Variants in DKK2 observed in about 807,000 individuals in gnomAD.
DKK2 encodes the protein dickkopf Wnt signaling pathway inhibitor 2.
Under a neutral mutation model 28.1 loss-of-function variants are expected in DKK2, and 11 were observed. That is an observed-to-expected ratio of 0.39 (90% CI 0.25 to 0.65). DKK2 has a LOEUF of 0.65. Among genes scored for constraint, DKK2 ranks in the 30% least tolerant of loss-of-function variants. The probability of loss-of-function intolerance (pLI) is 0.47; values close to 1 mark genes in which losing one functional copy is unlikely to be tolerated. For synonymous variants in DKK2, 135 were observed against 126.5 expected (o/e 1.07, Z -0.45); for missense variants, 326 against 335.5 (o/e 0.97, Z 0.22).
intron 1 of DKK2, among the ~76,000 whole-genome samples, chr4:106,949,608 A>G (rs923917723): frequency 1.8e-4 from 28 of 152,274 alleles, no homozygotes; most frequent in African/African-American, 6.5e-4. Context: ...TCTACCATCA[A>G]TTCAGATGTA....
At position 106,947,355 on chromosome 4, in the gene DKK2, T is replaced by C. The variant is rs74381703; in HGVS notation, c.223-21406A>G. ...TCTGCTCAGCCCAATATTGGTACCC[T>C]GTGACAGCTGCTTGAAAGGTACCGT... On this transcript the variant is annotated intron_variant, in intron 1 of 3. Coordinates refer to ENST00000285311, the MANE Select transcript of DKK2 (RefSeq NM_014421.3). 7.5e-3 allele frequency among the ~76,000 whole-genome samples: 1,137 copies of C among 152,190 alleles called. 10 individuals carry two copies. The highest frequency in any genetic ancestry group is 0.026 in the African/African-American group (1,088 of 41,548).
intron 1 of DKK2, among the ~76,000 whole-genome samples, chr4:106,969,117 A>G (rs1038192469): frequency 6.6e-6 from 1 of 151,512 alleles, no homozygotes; most frequent in Non-Finnish European, 1.5e-5. Context: ...TTTTTTTCTA[A>G]TTTAGGAATC....
intron 1 of DKK2, among the ~76,000 whole-genome samples, chr4:106,938,809 AC>A (rs1724642946): frequency 6.6e-6 from 1 of 151,644 alleles, no homozygotes; most frequent in South Asian, 2.1e-4. Context: ...GGTTCAATAT[AC>A]GCAAATCAAT....
chr4:106,944,144 A>G (rs906974634), intron 1 of DKK2, among the ~76,000 whole-genome samples: 3 of 152,082 alleles, frequency 2.0e-5, no homozygotes, highest in Non-Finnish European at 4.4e-5. Flanking sequence ...TAAGGAGATC[A>G]GTTTCTTGAT....
intron 1 of DKK2, among the ~76,000 whole-genome samples, chr4:107,010,968 T>A: frequency 6.6e-6 from 1 of 151,508 alleles, no homozygotes; most frequent in East Asian, 1.9e-4. Flanking sequence ...TTAAGAAATC[T>A]CTTTAATGTC....
chr4:107,027,551 T>C (rs1247227874), intron 1 of DKK2, among the ~76,000 whole-genome samples: 1 of 151,814 alleles, frequency 6.6e-6, no homozygotes, highest in African/African-American at 2.4e-5. Context: ...TCAACAAAGG[T>C]TGTCAGCCTT....
At chr4:106,994,427 C>G (rs1723243815) in intron 1 of DKK2, among the ~76,000 whole-genome samples, 1 of 151,988 alleles carries the variant, frequency 6.6e-6, no homozygotes, top group Non-Finnish European at 1.5e-5. Flanking sequence ...AGAACAATCT[C>G]TCTGTCTCTC....
chr4:106,937,369 A>C (rs1164427821), intron 1 of DKK2, among the ~76,000 whole-genome samples: 1 of 134,672 alleles, frequency 7.4e-6, no homozygotes, highest in Non-Finnish European at 1.6e-5. Context: ...AGAGACAAAG[A>C]AGGCCATTAC....
rs979217477 is a variant in DKK2, at chr4:106,954,568, C to T, written c.223-28619G>A. Among the ~76,000 whole-genome samples the T allele has an allele frequency of 1.4e-4, 22 of 152,250 alleles. No individual in the cohort carries two copies. The Middle Eastern group carries it at 0.01, about 71-fold the overall frequency. On this transcript the variant is annotated intron_variant, in intron 1 of 3. Transcript: ENST00000285311. ...ACGGAGTCTCACTCTGTCACCCAGG[C>T]TGGAGTGCAATGGCATGATCTCGGC...
At chr4:106,980,631 G>A (rs1325789240) in intron 1 of DKK2, among the ~76,000 whole-genome samples, 1 of 152,066 alleles carries the variant, frequency 6.6e-6, no homozygotes, top group Admixed American at 6.6e-5. Context: ...GATTTATTAT[G>A]GTTAAATAAG....
At position 106,922,405 on chromosome 4, in the gene DKK2, A is replaced by G. The variant is rs1724359142; in HGVS notation, c.*1549T>C. 1 of 152,214 alleles carries G rather than the reference A, an allele frequency of 6.6e-6. No homozygotes were observed. The highest frequency in any genetic ancestry group is 1.5e-5 in the Non-Finnish European group (1 of 68,038). 9.4% of individuals were successfully genotyped at this position (152,214 alleles called of 1,614,324 possible). ...TTTAGAACTGAGTTAAGTTTAAAAA[A>G]AGTAGTAAAGTGGTTTCAAAGAATT... On this transcript the variant is annotated 3_prime_UTR_variant, in exon 4 of 4. Coordinates refer to ENST00000285311, the MANE Select transcript of DKK2 (RefSeq NM_014421.3).
At chr4:106,976,999 GC>G (rs1722955342) in intron 1 of DKK2, among the ~76,000 whole-genome samples, 1 of 152,048 alleles carries the variant, frequency 6.6e-6, no homozygotes, top group African/African-American at 2.4e-5. Context: ...CACTTATGAA[GC>G]TTAGTTTGGC....
intron 1 of DKK2, among the ~76,000 whole-genome samples, chr4:106,943,555 A>G (rs1724732958): frequency 2.0e-5 from 3 of 152,098 alleles, no homozygotes; most frequent in Non-Finnish European, 1.5e-5. Flanking sequence ...TTTATAACCT[A>G]TACAGTATAG....
intron 1 of DKK2, among the ~76,000 whole-genome samples, chr4:106,941,498 G>C (rs1724698333): frequency 6.6e-6 from 1 of 152,042 alleles, no homozygotes; most frequent in African/African-American, 2.4e-5. Context: ...TACATAACCT[G>C]TAAAATAGGT....
intron 1 of DKK2, among the ~76,000 whole-genome samples, chr4:106,983,368 G>GAAAGAAGA (rs35298593): frequency 1.1e-5 from 1 of 92,660 alleles, no homozygotes; most frequent in Non-Finnish European, 2.3e-5. Context: ...AAGAAAGAAA[G>GAAAGAAGA]AAGAAAGAAA....
chr4:106,978,522 G>C (rs1296495937), intron 1 of DKK2, among the ~76,000 whole-genome samples: 2 of 152,124 alleles, frequency 1.3e-5, no homozygotes, highest in Non-Finnish European at 2.9e-5. Flanking sequence ...AAACTTCCTG[G>C]AGGCTTTGTT....
At chr4:106,994,380 C>A (rs1454382891) in intron 1 of DKK2, among the ~76,000 whole-genome samples, 1 of 152,062 alleles carries the variant, frequency 6.6e-6, no homozygotes, top group Admixed American at 6.6e-5. Flanking sequence ...GGGATCTAGA[C>A]ATAGTCATCC....
At chr4:106,999,326 C>G (rs1013638095) in intron 1 of DKK2, among the ~76,000 whole-genome samples, 11 of 152,128 alleles carry the variant, frequency 7.2e-5, no homozygotes, top group Admixed American at 7.2e-4. Context: ...ACATTATGTG[C>G]ATATACCAAC....
At chr4:107,027,554 T>C (rs1560595037) in intron 1 of DKK2, among the ~76,000 whole-genome samples, 1 of 152,020 alleles carries the variant, frequency 6.6e-6, no homozygotes. Flanking sequence ...ACAAAGGTTG[T>C]CAGCCTTCCA....
Sources: gnomAD v4.1 joint callset for allele counts (sites outside exome capture counted in the v4.1 genomes callset) on GRCh38, gnomAD v4.1.1 for gene constraint, MANE v1.5 for transcripts, NCBI Gene and HGNC (gene_info 2026-07-23, HGNC 2026-07-21) for gene names.